Variants in SMYD3 observed in about 807,000 individuals in gnomAD.
SMYD3 encodes SET and MYND domain containing 3, also known as histone-lysine N-methyltransferase SMYD3.
Under a neutral mutation model 57.7 loss-of-function variants are expected in SMYD3, and 36 were observed. That is an observed-to-expected ratio of 0.62 (90% CI 0.48 to 0.82). The LOEUF (loss-of-function observed/expected upper bound fraction) is 0.82, where lower values mean the gene tolerates loss of function less well. Ranked by LOEUF, SMYD3 falls within the 40% of genes least tolerant of loss-of-function variation. The probability of loss-of-function intolerance (pLI) is 0.00; values close to 1 mark genes in which losing one functional copy is unlikely to be tolerated. For missense variants in SMYD3, 515 were observed against 538.8 expected (o/e 0.96, Z 0.44); for synonymous variants, 211 against 195.0 (o/e 1.08, Z -0.68).
chr1:246,486,613 GA>G (rs2068192258), intron 1 of SMYD3, among the ~76,000 whole-genome samples: 1 of 152,112 alleles, frequency 6.6e-6, no homozygotes, highest in African/African-American at 2.4e-5. Context: ...TGTAGATGAA[GA>G]AAATGAAAAT....
intron 5 of SMYD3, among the ~76,000 whole-genome samples, chr1:245,938,458 T>C (rs1044007696): frequency 6.6e-6 from 1 of 152,206 alleles, no homozygotes; most frequent in African/African-American, 2.4e-5. Context: ...ACAACTTTAA[T>C]TATGCAGTCA....
intron 5 of SMYD3, among the ~76,000 whole-genome samples, chr1:245,978,076 C>T (rs1572833572): frequency 6.6e-6 from 1 of 152,236 alleles, no homozygotes; most frequent in African/African-American, 2.4e-5. Context: ...TCACTATACA[C>T]CAGCACGCCT....
At chr1:245,886,377 G>A (rs1452937630) in intron 8 of SMYD3, among the ~76,000 whole-genome samples, 3 of 152,144 alleles carry the variant, frequency 2.0e-5, no homozygotes, top group African/African-American at 7.2e-5. Context: ...GTTGAAAGAA[G>A]AGGAAGCAGA....
At chr1:246,053,972 TA>T (rs777285834) in intron 5 of SMYD3, among the ~76,000 whole-genome samples, 12 of 152,078 alleles carry the variant, frequency 7.9e-5, no homozygotes, top group Non-Finnish European at 1.5e-4. Flanking sequence ...AAGATGCCAT[TA>T]AGAAAACAAA....
intron 10 of SMYD3, among the ~76,000 whole-genome samples, chr1:245,786,218 G>GGGC (rs1553321388): frequency 6.8e-6 from 1 of 147,576 alleles, no homozygotes; most frequent in Admixed American, 6.8e-5. Flanking sequence ...GTGGACGGGG[G>GGGC]GGGGATGGTG....
chr1:245,879,306 C>T (rs55674217), intron 8 of SMYD3, among the ~76,000 whole-genome samples: 17,088 of 152,202 alleles, frequency 0.11, 1,139 homozygotes, highest in South Asian at 0.27. Context: ...GGCCTAAGGG[C>T]TAAATGAGAT....
chr1:245,972,574 C>A (rs2058327702), intron 5 of SMYD3, among the ~76,000 whole-genome samples: 1 of 152,250 alleles, frequency 6.6e-6, no homozygotes, highest in Non-Finnish European at 1.5e-5. Flanking sequence ...TTCTCCCTTG[C>A]TCCCAGGGCA....
intron 5 of SMYD3, among the ~76,000 whole-genome samples, chr1:246,234,220 CT>C (rs1272112426): frequency 6.6e-6 from 1 of 150,760 alleles, no homozygotes; most frequent in African/African-American, 2.4e-5. Context: ...AGAAGCGCTC[CT>C]TCAATTCACA....
intron 5 of SMYD3, among the ~76,000 whole-genome samples, chr1:246,148,044 G>A (rs987253611): frequency 1.3e-4 from 19 of 148,724 alleles, no homozygotes; most frequent in African/African-American, 3.3e-4. Flanking sequence ...AGAGATTCCT[G>A]GGTGGAAGGC....
chr1:246,245,774 A>T (rs958023317), intron 5 of SMYD3, among the ~76,000 whole-genome samples: 3 of 152,288 alleles, frequency 2.0e-5, no homozygotes, highest in Admixed American at 6.5e-5. Context: ...ACACCAATGA[A>T]CCACTAAAGG....
At chr1:246,279,702 G>GA (rs1389458579) in intron 5 of SMYD3, among the ~76,000 whole-genome samples, 10 of 152,134 alleles carry the variant, frequency 6.6e-5, no homozygotes, top group African/African-American at 2.2e-4. Context: ...AGTAGGGAGA[G>GA]AAAAGACGAT....
intron 8 of SMYD3, among the ~76,000 whole-genome samples, chr1:245,892,877 A>T (rs2053480595): frequency 6.6e-6 from 1 of 152,176 alleles, no homozygotes; most frequent in African/African-American, 2.4e-5. Context: ...AAATACTGAT[A>T]AACTAAACTA....
In SMYD3 at chr1:246,263,010, T is replaced by C. The variant is rs868643832; in HGVS notation, c.531+64191A>G. On this transcript the variant is annotated intron_variant, in intron 5 of 11. Transcript: ENST00000490107. ...TGTAAATAAATCCTACATTCTTTAA[T>C]TGTCTCAAGAATGCGTGATTTGAAT... Among the ~76,000 whole-genome samples the C allele has an allele frequency of 2.0e-5, 3 of 152,324 alleles. No individual in the cohort carries two copies. The South Asian group carries it at 6.2e-4, about 32-fold the overall frequency.
chr1:245,997,063 G>T (rs187277645), intron 5 of SMYD3, among the ~76,000 whole-genome samples: 95 of 152,360 alleles, frequency 6.2e-4, no homozygotes, highest in Non-Finnish European at 1.1e-3. Context: ...GTGCCTCGCA[G>T]TCTGCTCTGG....
chr1:246,411,432 C>CTAGA (rs1431862695), intron 1 of SMYD3, among the ~76,000 whole-genome samples: 1 of 152,156 alleles, frequency 6.6e-6, no homozygotes, highest in African/African-American at 2.4e-5. Flanking sequence ...CCTCAGGGAT[C>CTAGA]TAGAACTAGA....
intron 7 of SMYD3, 118 bp from the exon 8 acceptor site, chr1:245,915,758 T>A (rs1430690772): frequency 3.3e-6 from 2 of 602,346 alleles, no homozygotes; most frequent in East Asian, 2.8e-5. Flanking sequence ...AAACCAAAAA[T>A]ATAAGAGAGA....
rs936883050 is a variant in SMYD3 at position 246,400,069 on chromosome 1, GA to G, written c.165-44976del. On this transcript the variant is annotated intron_variant, in intron 1 of 11. Coordinates refer to ENST00000490107, the MANE Select transcript of SMYD3 (RefSeq NM_001167740.2). Reference sequence around the variant, plus strand: ...TTCATCTTTCTCTGTTTTCCCAAAAGAAAAAAAAAGGTAAAGATCAAAAGTT... The same window carrying G: ...TTCATCTTTCTCTGTTTTCCCAAAAGAAAAAAAAGGTAAAGATCAAAAGTT... Among the ~76,000 whole-genome samples the G allele has an allele frequency of 1.7e-4, 25 of 148,746 alleles. 1 individual carries two copies. Among genetic ancestry groups the G allele is most frequent in the African/African-American group, 5.7e-4 (23 of 40,564 alleles).
chr1:246,327,827 A>G (rs2065380378), intron 4 of SMYD3, among the ~76,000 whole-genome samples: 2 of 152,234 alleles, frequency 1.3e-5, no homozygotes, highest in Admixed American at 1.3e-4. Context: ...AATTTGTCAT[A>G]TGGCTAGTAC....
chr1:246,317,704 C>T (rs2065186392), intron 5 of SMYD3, among the ~76,000 whole-genome samples: 1 of 151,940 alleles, frequency 6.6e-6, no homozygotes, highest in South Asian at 2.1e-4. Context: ...ACAATATATA[C>T]GTATTTCAAA....
Sources: gnomAD v4.1 joint callset for allele counts (sites outside exome capture counted in the v4.1 genomes callset) on GRCh38, gnomAD v4.1.1 for gene constraint, MANE v1.5 for transcripts, NCBI Gene and HGNC (gene_info 2026-07-23, HGNC 2026-07-21) for gene names.